MAMLD1: variants seen among roughly 807,000 people sequenced by gnomAD.
The protein encoded by MAMLD1 is mastermind like domain containing 1, also known as mastermind-like domain-containing protein 1.
Under a neutral mutation model 45.0 loss-of-function variants are expected in MAMLD1, and 14 were observed. The ratio of observed to expected loss-of-function variants is 0.31; its 90% CI spans 0.21 to 0.49. MAMLD1 has a LOEUF of 0.49. Ranked by LOEUF, MAMLD1 falls within the 20% of genes least tolerant of loss-of-function variation. The pLI is 0.99. For missense variants in MAMLD1, 543 were observed against 603.6 expected (o/e 0.90, Z 1.05); for synonymous variants, 254 against 247.8 (o/e 1.02, Z -0.24).
At chrX:150,462,925 A>G (rs1419962534) in intron 3 of MAMLD1, 79 bp downstream of exon 3, 11 of 718,087 alleles carry the variant, frequency 1.5e-5, no homozygotes, top group Non-Finnish European at 2.4e-5. Context: ...AAAGGGACCT[A>G]CAAGAGGTCA....
At chrX:150,477,749 G>A (rs372457711) in intron 5 of MAMLD1, among the ~76,000 whole-genome samples, 1 of 111,881 alleles carries the variant, frequency 8.9e-6, no homozygotes, top group East Asian at 2.8e-4. Flanking sequence ...CAGAGAGGAG[G>A]GGGAAGGAGG....
chrX:150,477,054 G>A (rs782170270), intron 5 of MAMLD1, among the ~76,000 whole-genome samples: 316 of 113,262 alleles, frequency 2.8e-3, no homozygotes, highest in Non-Finnish European at 4.8e-3. Flanking sequence ...GGGACACAGG[G>A]GCCTTACCCT....
At chrX:150,369,743 A>C (rs2031809791) in intron 1 of MAMLD1, among the ~76,000 whole-genome samples, 1 of 111,796 alleles carries the variant, frequency 8.9e-6, no homozygotes, top group Non-Finnish European at 1.9e-5. Flanking sequence ...TTATTTAGTG[A>C]AGGTTTCAAA....
intron 1 of MAMLD1, among the ~76,000 whole-genome samples, chrX:150,439,165 G>T (rs1557404397): frequency 8.9e-6 from 1 of 111,958 alleles, no homozygotes; most frequent in African/African-American, 3.2e-5. Context: ...ATCTATTTAA[G>T]TCCTTTGCCT....
At chrX:150,454,212 T>C (rs1239979288) in intron 2 of MAMLD1, among the ~76,000 whole-genome samples, 1 of 112,408 alleles carries the variant, frequency 8.9e-6, no homozygotes, top group African/African-American at 3.2e-5. Context: ...AAACTAAACA[T>C]GTTCTTGCCT....
At chrX:150,454,735 C>G (rs2035786367) in intron 2 of MAMLD1, among the ~76,000 whole-genome samples, 1 of 110,859 alleles carries the variant, frequency 9.0e-6, no homozygotes, top group African/African-American at 3.3e-5. Context: ...ACCACCATCA[C>G]TATTGCTACC....
rs2036358129 is a variant in MAMLD1 at position 150,469,865 on chromosome X, G to C, written c.292G>C (p.Gly98Arg). 1 of 1,209,893 alleles carries C rather than the reference G, an allele frequency of 8.3e-7. No homozygotes were observed. The change falls in exon 4 of 8, where the codon GGT becomes CGT. Residue 98 changes from glycine to arginine, a missense_variant. Transcript: ENST00000370401. ...AGATGTCACCCTTGCAATGGGCCCA[G>C]GTGCTCATCCTAGTACTGCTTGTGC... The part of the protein sequence containing the change: ...LEDVTLAMGP[G>R]AHPSTACAEL...
rs782118713 is a variant in MAMLD1 at position 150,470,620 on chromosome X, A to ACCGCTG, written c.1050_1055dup (p.Leu353_Pro354dup). 8.3e-6 allele frequency: 10 copies of ACCGCTG among 1,208,782 alleles called. No individual in the cohort carries two copies. Among genetic ancestry groups the ACCGCTG allele is most frequent in the Admixed American group, 2.2e-5 (1 of 45,729 alleles). On this transcript the variant is annotated inframe_insertion, in exon 4 of 8. Coordinates refer to ENST00000370401, the MANE Select transcript of MAMLD1 (RefSeq NM_005491.5). The stretch of plus-strand genomic sequence containing the variant: ...GCCCAGTGCCATCACCACACCCACC[A>ACCGCTG]CCGCTGCCACTGCCACCACCACCAC...
intron 2 of MAMLD1, 113 bp from the exon 3 acceptor site, chrX:150,462,658 TC>T: frequency 1.8e-6 from 1 of 567,093 alleles, no homozygotes; most frequent in Admixed American, 2.3e-5. Context: ...TTGGGGAGGC[TC>T]ATAATTTGAT....
intron 5 of MAMLD1, among the ~76,000 whole-genome samples, chrX:150,493,805 C>G (rs1482856228): frequency 8.9e-6 from 1 of 111,905 alleles, no homozygotes; most frequent in African/African-American, 3.3e-5. Context: ...TTATGACTTT[C>G]TGATTATAAG....
rs781831991 is a variant in MAMLD1 at position 150,398,337 on chromosome X, A to AGAAGAGGAAGAG, written c.-64+34837_-64+34848dup. Among the ~76,000 whole-genome samples, 408 of 52,179 alleles carry AGAAGAGGAAGAG rather than the reference A, an allele frequency of 7.8e-3. 9 individuals are homozygous for AGAAGAGGAAGAG. The highest frequency in any genetic ancestry group is 0.01 in the African/African-American group (136 of 13,568). 45.3% of individuals were successfully genotyped at this position (52,179 alleles called of 115,157 possible). On this transcript the variant is annotated intron_variant, in intron 1 of 7. Transcript: ENST00000370401. Reference sequence around the variant, plus strand: ...AAGAAGAAGAAGAAGAAGAAGAAGAAGAAGAGGAAGAGGAAGAGGAAGAGG... The same window carrying AGAAGAGGAAGAG: ...AAGAAGAAGAAGAAGAAGAAGAAGAAGAAGAGGAAGAGGAAGAGGAAGAGGAAGAGGAAGAGG...
chrX:150,444,987 C>T (rs1358301966), intron 1 of MAMLD1, among the ~76,000 whole-genome samples: 1 of 111,712 alleles, frequency 9.0e-6, no homozygotes, highest in Non-Finnish European at 1.9e-5. Context: ...TTCTATGAAC[C>T]ATAAGGCTTA....
Position 150,366,340 on chromosome X carries a change from A to ACGCGCATACACACATCCCAAATG in MAMLD1, c.-64+2831_-64+2853dup, listed in dbSNP as rs782612013. ...AGAAGATGAAGCGTTAACACCCTCA[A>ACGCGCATACACACATCCCAAATG]CGCGCATACACACATCCCAAATGCG... On this transcript the variant is annotated intron_variant, in intron 1 of 7. Coordinates refer to ENST00000370401, the MANE Select transcript of MAMLD1 (RefSeq NM_005491.5). 1.0e-3 allele frequency among the ~76,000 whole-genome samples: 112 copies of ACGCGCATACACACATCCCAAATG among 111,763 alleles called. 1 individual carries two copies. In the East Asian group the frequency reaches 0.015, roughly 15 times the overall value.
intron 1 of MAMLD1, among the ~76,000 whole-genome samples, chrX:150,382,908 A>ATTT (rs1255672915): frequency 8.7e-5 from 2 of 23,060 alleles, no homozygotes; most frequent in South Asian, 1.5e-3. Context: ...TTTATTTTTT[A>ATTT]TTTTTTTTTT....
intron 1 of MAMLD1, among the ~76,000 whole-genome samples, chrX:150,431,618 C>A (rs143194182): frequency 2.7e-5 from 3 of 110,573 alleles, no homozygotes; most frequent in African/African-American, 9.9e-5. Context: ...CTCTTTATGT[C>A]CATATGTACT....
intron 1 of MAMLD1, among the ~76,000 whole-genome samples, chrX:150,434,324 A>G (rs1569564774): frequency 9.1e-6 from 1 of 110,097 alleles, no homozygotes; most frequent in Non-Finnish European, 1.9e-5. Context: ...CTAGTGGTCT[A>G]TCTGTCTTAT....
chrX:150,450,983 A>G (rs1483900111), intron 2 of MAMLD1, among the ~76,000 whole-genome samples: 1 of 112,887 alleles, frequency 8.9e-6, no homozygotes, highest in Non-Finnish European at 1.9e-5. Context: ...TGGGGTGAGA[A>G]GCCAGGCAGA....
At chrX:150,498,321 T>G (rs1398289323) in intron 5 of MAMLD1, among the ~76,000 whole-genome samples, 2 of 111,750 alleles carry the variant, frequency 1.8e-5, no homozygotes, top group Non-Finnish European at 3.8e-5. Flanking sequence ...ACGTGCTAAT[T>G]CTATTAGTCC....
At chrX:150,477,982 C>T (rs1173511124) in intron 5 of MAMLD1, among the ~76,000 whole-genome samples, 2 of 111,847 alleles carry the variant, frequency 1.8e-5, no homozygotes, top group African/African-American at 6.5e-5. Flanking sequence ...TCTCTCCTCT[C>T]GTTTCCGTCC....
Sources: allele counts gnomAD v4.1 joint callset (sites outside exome capture counted in the v4.1 genomes callset), GRCh38; gene constraint gnomAD v4.1.1; transcripts MANE v1.5; gene names NCBI Gene and HGNC (gene_info 2026-07-23, HGNC 2026-07-21).